The following ANKRD11 variants were observed in gnomAD, a reference collection of about 807,000 sequenced individuals.
ANKRD11 encodes ankyrin repeat domain-containing protein 11.
In ANKRD11, 17 loss-of-function variants were observed where a neutral mutation model predicts 195.7. That is an observed-to-expected ratio of 0.09 (90% CI 0.06 to 0.13). The LOEUF (loss-of-function observed/expected upper bound fraction) is 0.13, where lower values mean the gene tolerates loss of function less well. Ranked by LOEUF, ANKRD11 falls within the 10% of genes least tolerant of loss-of-function variation. ANKRD11 has a pLI of 1.00. For missense variants in ANKRD11, 3,735 were observed against 3,566.1 expected (o/e 1.05, Z -1.21); for synonymous variants, 1,953 against 1,528.1 (o/e 1.28, Z -6.49).
In ANKRD11 at chr16:89,397,414, T is replaced by C. The variant is rs1250587014; in HGVS notation, c.-60+20870A>G. ...CTGAAGCTTTCCGTGTCCTCAGTGA[T>C]TCTGGACTCCCAGCGCCGTACCACT... On this transcript the variant is annotated intron_variant, in intron 2 of 12. Coordinates refer to ENST00000301030, the MANE Select transcript of ANKRD11 (RefSeq NM_013275.6). 4.6e-5 allele frequency among the ~76,000 whole-genome samples: 7 copies of C among 152,360 alleles called. No individual in the cohort carries two copies. The East Asian group carries it at 1.4e-3, about 29-fold the overall frequency.
chr16:89,381,256 C>T (rs867986433), intron 2 of ANKRD11, among the ~76,000 whole-genome samples: 3 of 147,198 alleles, frequency 2.0e-5, no homozygotes, highest in Middle Eastern at 3.6e-3. Flanking sequence ...TGCTTGAACC[C>T]GGGAGGCGGA....
At chr16:89,334,706 T>A (rs968621167) in intron 2 of ANKRD11, among the ~76,000 whole-genome samples, 1 of 152,054 alleles carries the variant, frequency 6.6e-6, no homozygotes, top group Non-Finnish European at 1.5e-5. Context: ...ACCCCAGGGA[T>A]GAGCAGCACA....
At chr16:89,460,232 C>T (rs533846126) in intron 1 of ANKRD11, among the ~76,000 whole-genome samples, 25 of 149,870 alleles carry the variant, frequency 1.7e-4, no homozygotes, top group Non-Finnish European at 3.6e-4. Flanking sequence ...ACTAAGACAC[C>T]GTCTCAAAAA....
At chr16:89,325,040 C>T (rs1029396332) in intron 2 of ANKRD11, 2 of 157,358 alleles carry the variant, frequency 1.3e-5, no homozygotes, top group African/African-American at 4.8e-5. Flanking sequence ...ACCTGGCAAT[C>T]TCTACTCATA....
At chr16:89,273,208 C>A (rs191543048) in intron 11 of ANKRD11, among the ~76,000 whole-genome samples, 98 of 152,220 alleles carry the variant, frequency 6.4e-4, no homozygotes, top group African/African-American at 2.1e-3. Flanking sequence ...AGGGGATGGA[C>A]ACCCATTGGA....
At chr16:89,360,465 A>T (rs2039681112) in intron 2 of ANKRD11, 1 of 152,252 alleles carries the variant, frequency 6.6e-6, no homozygotes. Context: ...AAATTCTGAG[A>T]AACTATATAC....
intron 3 of ANKRD11, 48 bp from the exon 4 acceptor site, chr16:89,305,392 T>C (rs1281626503): frequency 1.9e-6 from 3 of 1,612,428 alleles, no homozygotes; most frequent in East Asian, 2.2e-5. Context: ...AATTACATTC[T>C]CAAGCTCTCA....
Position 89,295,616 on chromosome 16 carries a change from G to T in ANKRD11, c.227-4433C>A, listed in dbSNP as rs371234498. ...GGGCCACAGTGGACAATGCTTTTGG[G>T]AGCTGGAGCCCACTTCCTGCCCCTG... On this transcript the variant is annotated intron_variant, in intron 4 of 12. Transcript: ENST00000301030. 7.9e-5 allele frequency among the ~76,000 whole-genome samples: 12 copies of T among 152,222 alleles called. No individual in the cohort carries two copies. The East Asian group carries it at 2.3e-3, about 30-fold the overall frequency.
At position 89,484,110 on chromosome 16, in the gene ANKRD11, G is replaced by A. The variant is rs896961698; in HGVS notation, c.-145+6135C>T. Among the ~76,000 whole-genome samples the A allele has an allele frequency of 3.9e-5, 6 of 152,136 alleles. No homozygotes were observed. In the East Asian group the frequency reaches 1.2e-3, roughly 29 times the overall value. On this transcript the variant is annotated intron_variant, in intron 1 of 12. Coordinates refer to ENST00000301030, the MANE Select transcript of ANKRD11 (RefSeq NM_013275.6). ...TTTCTTCTTTGTCACCATCAGAAAA[G>A]GCAAAGGTTATTCAGTGCTCTGCAC...
chr16:89,483,485 G>A (rs549733458), intron 1 of ANKRD11, among the ~76,000 whole-genome samples: 1 of 152,202 alleles, frequency 6.6e-6, no homozygotes, highest in Non-Finnish European at 1.5e-5. Context: ...AAAGATAAAG[G>A]ATACAATTCA....
Position 89,283,568 on chromosome 16 carries a change from C to T in ANKRD11, c.2974G>A (p.Asp992Asn), listed in dbSNP as rs2034434527. Residue 992 changes from aspartate (D) to asparagine (N), a missense_variant, in exon 9 of 13, where the codon GAC becomes AAC. Asp to Asn is a conservative substitution (Grantham distance 23). Coordinates refer to ENST00000301030, the MANE Select transcript of ANKRD11 (RefSeq NM_013275.6). The surrounding 1 kb of genome is among the most constrained non-coding windows in gnomAD (Gnocchi z 4.3). ...CACGGCTCCAGGCCCTTCCCAAAGT[C>T]GCCGTCGGACTTGTCCTTGAAGCCA... ...ESGFKDKSDG[D>N]FGKGLEPWER... The T allele has an allele frequency of 7.4e-6, 12 of 1,611,036 alleles. No homozygotes were observed. The highest frequency in any genetic ancestry group is 1.0e-5 in the Non-Finnish European group (12 of 1,180,022).
intron 1 of ANKRD11, among the ~76,000 whole-genome samples, chr16:89,469,322 A>G (rs1240209385): frequency 1.3e-5 from 2 of 152,108 alleles, no homozygotes; most frequent in Non-Finnish European, 2.9e-5. Context: ...CCCAGGTTCA[A>G]GAGATTCTCC....
intron 1 of ANKRD11, among the ~76,000 whole-genome samples, chr16:89,468,290 C>A (rs763297762): frequency 1.3e-5 from 2 of 152,226 alleles, no homozygotes; most frequent in Non-Finnish European, 2.9e-5. Context: ...CAGACTCTAT[C>A]ACCTTCTCAC....
At position 89,280,400 on chromosome 16, in the gene ANKRD11, TGGC is replaced by T; in HGVS notation, c.6139_6141del (p.Ala2047del). 1 of 1,561,208 alleles carries T rather than the reference TGGC, an allele frequency of 6.4e-7. No individual in the cohort carries two copies. The highest frequency in any genetic ancestry group is 8.7e-7 in the Non-Finnish European group (1 of 1,154,116). ...TAGGGAGCCGCCTCTGAGGTGGAGA[TGGC>T]GGCGGGGACGGCGTCCACTCCGTCC... On this transcript the variant is annotated inframe_deletion, in exon 9 of 13. Transcript: ENST00000301030.
intron 2 of ANKRD11, among the ~76,000 whole-genome samples, chr16:89,362,817 C>T (rs2039788571): frequency 6.6e-6 from 1 of 152,172 alleles, no homozygotes; most frequent in Non-Finnish European, 1.5e-5. Context: ...CCTTTCTCAG[C>T]ATTCCACAAA....
chr16:89,399,601 C>A (rs1723810872), intron 2 of ANKRD11, among the ~76,000 whole-genome samples: 1 of 152,082 alleles, frequency 6.6e-6, no homozygotes, highest in Admixed American at 6.5e-5. Context: ...CATCAGGATA[C>A]GTTCATCCAA....
rs191127258 is a variant in ANKRD11 at position 89,393,115 on chromosome 16, C to A, written c.-60+25169G>T. 2.6e-3 allele frequency among the ~76,000 whole-genome samples: 390 copies of A among 152,206 alleles called. 7 individuals carry two copies. In the South Asian group the frequency reaches 0.036, roughly 14 times the overall value. On this transcript the variant is annotated intron_variant, in intron 2 of 12. Transcript: ENST00000301030. ...GGTCTCCCTCCCTCTTCTTCACCTG[C>A]ATACCTTCTCTCACAGGAGCCTCTG...
rs574460246 is a variant in ANKRD11, at chr16:89,466,381, A to C, written c.-145+23864T>G. 2.0e-5 allele frequency among the ~76,000 whole-genome samples: 3 copies of C among 152,342 alleles called. 1 individual carries two copies. The highest frequency in any genetic ancestry group is 4.1e-4 in the South Asian group (2 of 4,824). ...AAGGACTGATGACACAGGGGACCGC[A>C]TGAGGATGGAAACTTGCTGGAATGT... On this transcript the variant is annotated intron_variant, in intron 1 of 12. Transcript: ENST00000301030.
Position 89,282,241 on chromosome 16 carries a change from T to C in ANKRD11, c.4301A>G (p.Glu1434Gly), listed in dbSNP as rs759741119. The C allele has an allele frequency of 4.3e-6, 7 of 1,614,180 alleles. No individual in the cohort carries two copies. In the South Asian group the frequency reaches 6.6e-5, roughly 15 times the overall value. The change falls in exon 9 of 13, where the codon GAG (glutamate) becomes GGG (glycine). Residue 1434 changes from glutamate (E) to glycine (G), a missense_variant. Coordinates refer to ENST00000301030, the MANE Select transcript of ANKRD11 (RefSeq NM_013275.6). The part of the protein sequence containing the change: ...STEKKDKNDS[E>G]REPSKKIEKE... ...TTCTATTTTCTTGGAAGGTTCTCTC[T>C]CGGAATCATTTTTATCTTTCTTTTC...
Sources: allele counts gnomAD v4.1 joint callset (sites outside exome capture counted in the v4.1 genomes callset), GRCh38; gene constraint gnomAD v4.1.1; non-coding constraint Gnocchi (gnomAD v3.1); transcripts MANE v1.5; gene names NCBI Gene and HGNC (gene_info 2026-07-23, HGNC 2026-07-21).